TPP2: variants seen among roughly 807,000 people sequenced by gnomAD.
TPP2 encodes tripeptidyl-peptidase 2.
A neutral mutation model predicts 155.9 loss-of-function variants in TPP2; 34 were observed. The ratio of observed to expected loss-of-function variants is 0.22; its 90% CI spans 0.17 to 0.29. TPP2 has a LOEUF of 0.29. Ranked by LOEUF, TPP2 falls within the 10% of genes least tolerant of loss-of-function variation. The pLI, the probability that TPP2 is intolerant of heterozygous loss-of-function variation, is 1.00. For synonymous variants in TPP2, 510 were observed against 529.4 expected (o/e 0.96, Z 0.50); for missense variants, 1,028 against 1,522.3 (o/e 0.68, Z 5.40).
At chr13:102,675,646 A>G (rs678556) in intron 28 of TPP2, among the ~76,000 whole-genome samples, 75,401 of 152,010 alleles carry the variant, frequency 0.5, 19,094 homozygotes, top group African/African-American at 0.6. Flanking sequence ...AACATATAAT[A>G]AAATTGTTAT....
At chr13:102,599,531 G>A (rs915759203) in intron 1 of TPP2, among the ~76,000 whole-genome samples, 5 of 152,184 alleles carry the variant, frequency 3.3e-5, no homozygotes, top group Non-Finnish European at 5.9e-5. Context: ...GGAAAGCCGG[G>A]TGGGGTCTGA....
Position 102,597,144 on chromosome 13 carries a change from C to T in TPP2, c.106C>T (p.Arg36Trp). Residue 36 changes from arginine (R) to tryptophan (W), a missense_variant, in exon 1 of 30, where the codon CGG (arginine) becomes TGG (tryptophan). By Grantham distance (101) the Arg-to-Trp change is moderately radical. Around this residue, in one of 7 missense-constraint regions of TPP2, gnomAD observed 300 missense variants for 398.3 expected, o/e 0.75. Transcript: ENST00000376052. ...CTGCCGCTACCCGGAGTATGATGGG[C>T]GGGGGGTGCTCATCGCAGTCCTGGA... ...FLCRYPEYDG[R>W]GVLIAVLDTG... 1.9e-6 allele frequency: 3 copies of T among 1,608,844 alleles called. No homozygotes were observed. Among genetic ancestry groups the T allele is most frequent in the Non-Finnish European group, 2.5e-6 (3 of 1,178,334 alleles).
rs758772036 is a variant in TPP2 at position 102,643,371 on chromosome 13, G to A, written c.2170G>A (p.Val724Ile). The A allele has an allele frequency of 4.5e-5, 72 of 1,599,334 alleles. No homozygotes were observed. The highest frequency in any genetic ancestry group is 5.7e-5 in the Non-Finnish European group (67 of 1,175,482). Residue 724 changes from valine to isoleucine, a missense_variant, in exon 17 of 30, where the codon GTC (valine) becomes ATC (isoleucine). Physicochemically the swap from Val to Ile is conservative, Grantham distance 29. Transcript: ENST00000376052. Reference sequence around the variant, plus strand: ...AGGAACACTGACTGAAGCTTTTCCTGTCCTAGTAAGTTTAATTATAGTTTA... The same window carrying A: ...AGGAACACTGACTGAAGCTTTTCCTATCCTAGTAAGTTTAATTATAGTTTA... ...EKGTLTEAFPVLGGKAIEFCI... is the reference protein window; with the variant it reads ...EKGTLTEAFPILGGKAIEFCI...
At chr13:102,616,576 T>G (rs1880752271) in intron 4 of TPP2, 76 bp downstream of exon 4, 1 of 1,198,392 alleles carries the variant, frequency 8.3e-7, no homozygotes, top group Admixed American at 3.0e-5. Context: ...ACTAATAGAC[T>G]GTTTTTCCAC....
At chr13:102,603,775 C>T (rs1325382150) in intron 1 of TPP2, among the ~76,000 whole-genome samples, 1 of 152,154 alleles carries the variant, frequency 6.6e-6, no homozygotes, top group Non-Finnish European at 1.5e-5. Flanking sequence ...GTCCTTTGAA[C>T]TTCATGTCCA....
Position 102,647,260 on chromosome 13 carries a change from T to C in TPP2, c.2544T>C (p.Tyr848=). The change falls in exon 21 of 30, where the codon TAT becomes TAC. Residue 848 remains tyrosine (Y), a synonymous_variant. Coordinates refer to ENST00000376052, the MANE Select transcript of TPP2 (RefSeq NM_001330588.2). Reference sequence around the variant, plus strand: ...GCCCACTACTTTGTGAACTATTATATGAATCTGAATTTGACAGCCAACTGT... The same window carrying C: ...GCCCACTACTTTGTGAACTATTATACGAATCTGAATTTGACAGCCAACTGT... ...PSCPLLCELL[Y]ESEFDSQLWI... The C allele has an allele frequency of 6.2e-7, 1 of 1,613,912 alleles. No homozygotes were observed. Among genetic ancestry groups the C allele is most frequent in the East Asian group, 2.2e-5 (1 of 44,824 alleles).
At chr13:102,649,614 C>A (rs774697213) in intron 23 of TPP2, 128 bp downstream of exon 23, 87 of 719,352 alleles carry the variant, frequency 1.2e-4, no homozygotes, top group Non-Finnish European at 1.7e-4. Context: ...AAAATTTAAT[C>A]CTTTTTTCCC....
At chr13:102,646,459 C>G (rs540374525) in intron 20 of TPP2, 69 bp downstream of exon 20, 229 of 1,251,344 alleles carry the variant, frequency 1.8e-4, no homozygotes, top group Non-Finnish European at 2.1e-4. Flanking sequence ...TTCATAGAAT[C>G]AAAAATGGAA....
chr13:102,597,688 G>GTT (rs1466437535), intron 1 of TPP2, among the ~76,000 whole-genome samples: 1,629 of 152,374 alleles, frequency 0.011, 35 homozygotes, highest in African/African-American at 0.036. Context: ...GTGGGGTGGA[G>GTT]ACACCAGATA....
chr13:102,625,164 C>CTTT (rs71125084), intron 6 of TPP2, among the ~76,000 whole-genome samples: 4 of 73,482 alleles, frequency 5.4e-5, no homozygotes, highest in African/African-American at 1.2e-4. Flanking sequence ...GGCCACTTAA[C>CTTT]TTTTTTTTTT....
At chr13:102,597,255 C>A in intron 1 of TPP2, 52 bp downstream of exon 1, 1 of 1,076,010 alleles carries the variant, frequency 9.3e-7, no homozygotes, top group Middle Eastern at 3.3e-4. Flanking sequence ...GCCGGGGACG[C>A]GGGTGGGGAC....
At position 102,640,299 on chromosome 13, in the gene TPP2, C is replaced by G. The variant is rs769874271; in HGVS notation, c.1943C>G (p.Ala648Gly). 8 of 1,611,926 alleles carry G rather than the reference C, an allele frequency of 5.0e-6. No individual in the cohort carries two copies. In the South Asian group the frequency reaches 8.8e-5, roughly 18 times the overall value. The change falls in exon 16 of 30, where the codon GCC becomes GGC. Residue 648 changes from alanine to glycine, a missense_variant. By Grantham distance (60) the Ala-to-Gly change is moderately conservative. Coordinates refer to ENST00000376052, the MANE Select transcript of TPP2 (RefSeq NM_001330588.2). The stretch of plus-strand genomic sequence containing the variant: ...AATGAATCATCACATTATGATCTAG[C>G]CTTTACAGATGTACACTTTAAACCT... ...KVNESSHYDL[A>G]FTDVHFKPGQ...
Position 102,664,942 on chromosome 13 carries a change from T to G in TPP2, c.3371+17T>G, listed in dbSNP as rs1207971698. Reference sequence around the variant, plus strand: ...TATAAAAAAGTACCTAACCAGTAAATAATCTTTCTTGCATCTCATTTCCTA... The same window carrying G: ...TATAAAAAAGTACCTAACCAGTAAAGAATCTTTCTTGCATCTCATTTCCTA... On this transcript the variant is annotated intron_variant, in intron 27 of 29. Coordinates refer to ENST00000376052, the MANE Select transcript of TPP2 (RefSeq NM_001330588.2). The G allele has an allele frequency of 6.2e-7, 1 of 1,608,820 alleles. No individual in the cohort carries two copies. The highest frequency in any genetic ancestry group is 1.3e-5 in the African/African-American group (1 of 74,656).
chr13:102,652,415 T>C (rs1193093332), intron 24 of TPP2, among the ~76,000 whole-genome samples: 6 of 10,700 alleles, frequency 5.6e-4, no homozygotes, highest in African/African-American at 1.5e-3. Flanking sequence ...TATATATATA[T>C]ATATATATAT....
chr13:102,623,146 G>C, intron 6 of TPP2, 106 bp downstream of exon 6: 1 of 1,196,094 alleles, frequency 8.4e-7, no homozygotes, highest in Non-Finnish European at 1.2e-6. Context: ...GCTAGAGATC[G>C]TAGCTAAAGG....
At chr13:102,627,343 A>G (rs1275548440) in intron 7 of TPP2, among the ~76,000 whole-genome samples, 177 bp downstream of exon 7, 1 of 152,086 alleles carries the variant, frequency 6.6e-6, no homozygotes, top group Non-Finnish European at 1.5e-5. Flanking sequence ...ATTAAATATT[A>G]TTAGGATTTG....
At chr13:102,672,093 A>C (rs1595224113) in intron 27 of TPP2, among the ~76,000 whole-genome samples, 1 of 152,100 alleles carries the variant, frequency 6.6e-6, no homozygotes. Context: ...ATGGGGCACC[A>C]CCTGCCAAGT....
chr13:102,633,401 T>C (rs1487230155), intron 10 of TPP2, among the ~76,000 whole-genome samples: 2 of 152,332 alleles, frequency 1.3e-5, no homozygotes, highest in East Asian at 3.9e-4. Flanking sequence ...AACTAATTCA[T>C]TTTTCTTTGT....
At chr13:102,627,250 C>G (rs1881689106) in intron 7 of TPP2, 84 bp downstream of exon 7, 2 of 1,353,834 alleles carry the variant, frequency 1.5e-6, no homozygotes, top group East Asian at 5.1e-5. Context: ...TCCTAGTTTA[C>G]CAAGAATACA....
Sources: gnomAD v4.1 joint callset for allele counts (sites outside exome capture counted in the v4.1 genomes callset) on GRCh38, gnomAD v4.1.1 for gene constraint, gnomAD v4.1.1 regional missense constraint, MANE v1.5 for transcripts, NCBI Gene and HGNC (gene_info 2026-07-23, HGNC 2026-07-21) for gene names.